AAGAB: variants seen among roughly 807,000 people sequenced by gnomAD.
The protein encoded by AAGAB is alpha- and gamma-adaptin-binding protein p34.
AAGAB carries 38 observed loss-of-function variants against 44.1 expected under a neutral mutation model. That is an observed-to-expected ratio of 0.86 (90% confidence interval 0.67 to 1.13). AAGAB has a LOEUF of 1.13. AAGAB is among the 50% of genes most tolerant of loss of function. The pLI, the probability that AAGAB is intolerant of heterozygous loss-of-function variation, is 0.00. For missense variants in AAGAB, 450 were observed against 373.8 expected (o/e 1.20, Z -1.68); for synonymous variants, 131 against 131.8 (o/e 0.99, Z 0.04).
chr15:67,202,368 G>A lies in AAGAB; in HGVS notation c.*453C>T, dbSNP rs1328847708. ...GCTGCCTCCTTTCCTCCCAATAAAA[G>A]CATCATAGCTCAGAGCTACAAGCTC... On this transcript the variant is annotated 3_prime_UTR_variant, in exon 10 of 10. Coordinates refer to ENST00000261880, the MANE Select transcript of AAGAB (RefSeq NM_024666.5). 1 of 157,568 alleles carries A rather than the reference G, an allele frequency of 6.3e-6. No homozygotes were observed. Among genetic ancestry groups the A allele is most frequent in the Non-Finnish European group, 1.4e-5 (1 of 71,296 alleles). 9.8% of individuals were successfully genotyped at this position (157,568 alleles called of 1,614,324 possible).
At chr15:67,254,874 G>A (rs1195083981), upstream of AAGAB, 5 of 1,612,084 alleles carry the variant, frequency 3.1e-6, no homozygotes, top group Non-Finnish European at 4.2e-6. Flanking sequence ...CCTCCGCGGA[G>A]GTAGCCGTTC....
At chr15:67,250,317 T>C (rs561096219) in intron 1 of AAGAB, among the ~76,000 whole-genome samples, 3 of 152,184 alleles carry the variant, frequency 2.0e-5, no homozygotes, top group East Asian at 3.9e-4. Flanking sequence ...GCTAGGATTA[T>C]AGGCACGCAC....
At chr15:67,231,541 G>C (rs1052080534) in intron 5 of AAGAB, among the ~76,000 whole-genome samples, 6 of 152,026 alleles carry the variant, frequency 3.9e-5, no homozygotes, top group Admixed American at 3.9e-4. Context: ...TTAATAATAG[G>C]GTCTACGTCT....
chr15:67,246,377 G>C (rs1273904992), intron 1 of AAGAB, among the ~76,000 whole-genome samples: 1 of 145,080 alleles, frequency 6.9e-6, no homozygotes, highest in Admixed American at 6.9e-5. Context: ...GCGTGACAGA[G>C]GAAGATCCTG....
chr15:67,209,656 T>A (rs1279284152), intron 5 of AAGAB, 112 bp from the exon 6 acceptor site: 30 of 785,898 alleles, frequency 3.8e-5, no homozygotes, highest in African/African-American at 8.8e-5. Context: ...TCTAACTACA[T>A]ATATATATAT....
intron 5 of AAGAB, among the ~76,000 whole-genome samples, chr15:67,227,673 A>T (rs1248681688): frequency 6.6e-6 from 1 of 152,226 alleles, no homozygotes; most frequent in Non-Finnish European, 1.5e-5. Context: ...ACGGATCACC[A>T]GCAAAGCAGG....
At chr15:67,253,737 G>GAGCA (rs932820400) in intron 1 of AAGAB, among the ~76,000 whole-genome samples, 7 of 151,342 alleles carry the variant, frequency 4.6e-5, no homozygotes, top group Admixed American at 2.0e-4. Context: ...CCGGGCGACA[G>GAGCA]AGCAAGTTCC....
chr15:67,225,570 C>A (rs569879570), intron 5 of AAGAB, among the ~76,000 whole-genome samples: 2 of 152,320 alleles, frequency 1.3e-5, no homozygotes, highest in Non-Finnish European at 2.9e-5. Flanking sequence ...TCCTCCCATA[C>A]CCTGGGAACC....
intron 1 of AAGAB, among the ~76,000 whole-genome samples, chr15:67,248,235 C>T (rs1430933683): frequency 6.6e-6 from 1 of 152,132 alleles, no homozygotes; most frequent in Admixed American, 6.5e-5. Context: ...TATTAAGTAT[C>T]ATAGCTAAAA....
In AAGAB at chr15:67,203,601, G is replaced by C; in HGVS notation, c.821-4C>G. 1.9e-6 allele frequency: 3 copies of C among 1,612,944 alleles called. No individual in the cohort carries two copies. Among genetic ancestry groups the C allele is most frequent in the Non-Finnish European group, 2.5e-6 (3 of 1,179,578 alleles). ...TGAGGAAGCGTCGCAGCCTTGTCTA[G>C]GGGGAAAATATATCTTAAGAAATTT... On this transcript the variant is annotated splice_polypyrimidine_tract_variant and splice_region_variant and intron_variant, in intron 8 of 9. Transcript: ENST00000261880.
At chr15:67,254,377 G>C in intron 1 of AAGAB, 182 bp downstream of exon 1, 2 of 1,388,744 alleles carry the variant, frequency 1.4e-6, no homozygotes, top group Non-Finnish European at 1.9e-6. Context: ...GGCCGAGTGG[G>C]CAGAAAAGCA....
intron 5 of AAGAB, among the ~76,000 whole-genome samples, chr15:67,212,231 C>T (rs965938540): frequency 2.0e-5 from 3 of 152,032 alleles, no homozygotes; most frequent in Admixed American, 6.6e-5. Flanking sequence ...CTGGGAGGGA[C>T]GGGAGTTAGG....
At chr15:67,232,556 G>T in intron 4 of AAGAB, 1 of 403,720 alleles carries the variant, frequency 2.5e-6, no homozygotes, top group South Asian at 2.1e-5. Flanking sequence ...CACTACCTAA[G>T]AGAGAAATTC....
Position 67,208,561 on chromosome 15 carries a change from C to T in AAGAB, c.715+1G>A. 5 of 1,613,542 alleles carry T rather than the reference C, an allele frequency of 3.1e-6. No individual in the cohort carries two copies. The highest frequency in any genetic ancestry group is 1.3e-5 in the African/African-American group (1 of 75,026). On this transcript the variant is annotated splice_donor_variant, in intron 7 of 9. Transcript: ENST00000261880. LOFTEE classifies it high-confidence loss of function. Reference sequence around the variant, plus strand: ...TCTTGGCAGCCAAAGGAGGAACTTACCCACAATGCTATCAACCTGGGCATC... The same window carrying T: ...TCTTGGCAGCCAAAGGAGGAACTTATCCACAATGCTATCAACCTGGGCATC...
chr15:67,244,258 T>C (rs1354114659), intron 1 of AAGAB, among the ~76,000 whole-genome samples: 5 of 152,328 alleles, frequency 3.3e-5, no homozygotes, highest in South Asian at 2.1e-4. Context: ...AGATCCAACG[T>C]CCCAGCATCC....
chr15:67,207,001 C>A (rs1595979378), intron 7 of AAGAB, among the ~76,000 whole-genome samples: 1 of 152,132 alleles, frequency 6.6e-6, no homozygotes, highest in East Asian at 1.9e-4. Flanking sequence ...GACCAACACG[C>A]AGAAACCCCG....
At chr15:67,248,134 TCTC>T (rs908421044) in intron 1 of AAGAB, among the ~76,000 whole-genome samples, 5 of 152,178 alleles carry the variant, frequency 3.3e-5, no homozygotes, top group South Asian at 4.1e-4. Context: ...CATTTATGCT[TCTC>T]CTCCTCTTTA....
intron 1 of AAGAB, among the ~76,000 whole-genome samples, chr15:67,245,876 C>T (rs1258170285): frequency 6.6e-6 from 1 of 152,124 alleles, no homozygotes; most frequent in African/African-American, 2.4e-5. Context: ...AAAATTCAGA[C>T]AGAACAGCCA....
At chr15:67,230,399 G>T (rs1964308380) in intron 5 of AAGAB, among the ~76,000 whole-genome samples, 1 of 152,158 alleles carries the variant, frequency 6.6e-6, no homozygotes, top group African/African-American at 2.4e-5. Context: ...ACTGCAGTAG[G>T]TAGATCCCTA....
Sources: gnomAD v4.1 joint callset for allele counts (sites outside exome capture counted in the v4.1 genomes callset) on GRCh38, gnomAD v4.1.1 for gene constraint, MANE v1.5 for transcripts, NCBI Gene and HGNC (gene_info 2026-07-23, HGNC 2026-07-21) for gene names.